The following ZNF236 variants were observed in gnomAD, a reference collection of about 807,000 sequenced individuals.
The protein encoded by ZNF236 is zinc finger protein 236.
In ZNF236, 50 loss-of-function variants were observed where a neutral mutation model predicts 191.2. The observed-to-expected ratio is 0.26, with a 90% CI of 0.21 to 0.33. The LOEUF is 0.33. ZNF236 is among the 10% of genes least tolerant of loss of function. The pLI is 1.00. For missense variants in ZNF236, 1,754 were observed against 2,374.5 expected (o/e 0.74, Z 5.43); for synonymous variants, 907 against 928.8 (o/e 0.98, Z 0.43).
chr18:76,954,809 ACACCAGTCCCTG>A (rs1378979500), intron 27 of ZNF236, among the ~76,000 whole-genome samples: 2 of 152,198 alleles, frequency 1.3e-5, no homozygotes, highest in Non-Finnish European at 2.9e-5. Flanking sequence ...TTCTAGAATG[ACACCAGTCCCTG>A]CACATCTCAC....
In ZNF236 at chr18:76,905,971, C is replaced by T. The variant is rs556378732; in HGVS notation, c.2297+556C>T. On this transcript the variant is annotated intron_variant, in intron 13 of 30. Coordinates refer to ENST00000320610, the MANE Select transcript of ZNF236 (RefSeq NM_001306089.2). Reference sequence around the variant, plus strand: ...TTTCTGACTAGTGCTGGGGCCTATTCGATGAGTATTTCTGTGAAGCCACAG... The same window carrying T: ...TTTCTGACTAGTGCTGGGGCCTATTTGATGAGTATTTCTGTGAAGCCACAG... Among the ~76,000 whole-genome samples, 96 of 152,278 alleles carry T rather than the reference C, an allele frequency of 6.3e-4. 1 individual carries two copies. In the South Asian group the frequency reaches 0.018, roughly 28 times the overall value.
chr18:76,917,417 C>T (rs963294138), intron 19 of ZNF236, among the ~76,000 whole-genome samples: 10 of 152,122 alleles, frequency 6.6e-5, no homozygotes, highest in Non-Finnish European at 1.2e-4. Context: ...ATTCTAGCAT[C>T]GATTTGGGAG....
At chr18:76,849,947 A>G (rs1975809945) in intron 2 of ZNF236, among the ~76,000 whole-genome samples, 1 of 152,230 alleles carries the variant, frequency 6.6e-6, no homozygotes, top group Non-Finnish European at 1.5e-5. Flanking sequence ...TTTTAAAAGT[A>G]GTTTCAATTT....
At chr18:76,882,315 T>C (rs1032058854) in intron 9 of ZNF236, among the ~76,000 whole-genome samples, 4 of 152,192 alleles carry the variant, frequency 2.6e-5, no homozygotes, top group African/African-American at 9.6e-5. Flanking sequence ...TGCTTTTCCT[T>C]GTCCTACCTC....
chr18:76,823,548 T>C (rs1974928131), intron 1 of ZNF236, among the ~76,000 whole-genome samples: 1 of 152,224 alleles, frequency 6.6e-6, no homozygotes, highest in African/African-American at 2.4e-5. Context: ...GTGCACACAG[T>C]AGGCGTCAGG....
intron 25 of ZNF236, 143 bp downstream of exon 25, chr18:76,928,249 T>C (rs1277946348): frequency 3.2e-6 from 2 of 623,858 alleles, no homozygotes; most frequent in South Asian, 5.7e-5. Flanking sequence ...AATTGAAGTT[T>C]AGTGAAAATA....
At chr18:76,946,532 G>T (rs75511663) in intron 26 of ZNF236, among the ~76,000 whole-genome samples, 2 of 152,202 alleles carry the variant, frequency 1.3e-5, no homozygotes, top group East Asian at 3.8e-4. Flanking sequence ...CAGGAGCCAA[G>T]AACATCAGCC....
At chr18:76,961,512 C>G (rs1336055043) in intron 30 of ZNF236, among the ~76,000 whole-genome samples, 2 of 152,050 alleles carry the variant, frequency 1.3e-5, no homozygotes. Context: ...CATAAACATG[C>G]GTGTGCAAGT....
chr18:76,908,998 T>G, intron 14 of ZNF236, among the ~76,000 whole-genome samples: 1 of 85,874 alleles, frequency 1.2e-5, no homozygotes, highest in African/African-American at 3.4e-5. Flanking sequence ...TGTGTGTGTG[T>G]GTGTGTGTTT....
intron 27 of ZNF236, 38 bp from the exon 28 acceptor site, chr18:76,955,947 C>A: frequency 1.3e-6 from 2 of 1,584,282 alleles, no homozygotes; most frequent in Non-Finnish European, 8.6e-7. Context: ...CAAATCAAGC[C>A]AAGTGAGTGG....
rs373213413 is a variant in ZNF236, at chr18:76,849,686, T to C, written c.198+18T>C. 5.3e-5 allele frequency: 81 copies of C among 1,525,942 alleles called. No individual in the cohort carries two copies. In the African/African-American group the frequency reaches 1.0e-3, roughly 19 times the overall value. 94.5% of individuals were successfully genotyped at this position (1,525,942 alleles called of 1,614,324 possible). A position where few individuals can be genotyped will look rare whatever the true frequency, so the allele number is the denominator to read the frequency against. ...ATGACAAGGTATGTATTTTCAAAGG[T>C]GATGTCAGGAATGTGAGCGTTGAAA... On this transcript the variant is annotated intron_variant, in intron 2 of 30. Transcript: ENST00000320610.
rs34039568 is a variant in ZNF236, at chr18:76,938,390, C to CA, written c.4782+1055dup. ...GAACGACAGAGTGAGACCTCTCTCT[C>CA]AAAAAAAAGCTGAGGTTGTTTTCAC... On this transcript the variant is annotated intron_variant, in intron 26 of 30. Coordinates refer to ENST00000320610, the MANE Select transcript of ZNF236 (RefSeq NM_001306089.2). Among the ~76,000 whole-genome samples, 7 of 151,702 alleles carry CA rather than the reference C, an allele frequency of 4.6e-5. 1 individual carries two copies. Among genetic ancestry groups the CA allele is most frequent in the African/African-American group, 1.5e-4 (6 of 41,374 alleles).
At chr18:76,878,788 A>G (rs1976787882) in intron 7 of ZNF236, among the ~76,000 whole-genome samples, 1 of 152,268 alleles carries the variant, frequency 6.6e-6, no homozygotes, top group African/African-American at 2.4e-5. Context: ...GACATTAAAT[A>G]CGAAAGTGTC....
At chr18:76,894,983 C>G (rs778557342) in intron 9 of ZNF236, 30 bp from the exon 10 acceptor site, 1 of 1,601,810 alleles carries the variant, frequency 6.2e-7, no homozygotes, top group Non-Finnish European at 8.5e-7. Context: ...GGTGTCCAGG[C>G]CAAGCGGGAC....
rs556949729 is a variant in ZNF236 at position 76,902,111 on chromosome 18, G to A, written c.1895-2269G>A. ...GATACTTGTATCTTAGACCAGATAG[G>A]GGAACCTGAATTCTTTGGTTTAGGC... On this transcript the variant is annotated intron_variant, in intron 11 of 30. Coordinates refer to ENST00000320610, the MANE Select transcript of ZNF236 (RefSeq NM_001306089.2). 5.9e-5 allele frequency among the ~76,000 whole-genome samples: 9 copies of A among 152,314 alleles called. No individual in the cohort carries two copies. The South Asian group carries it at 1.9e-3, about 32-fold the overall frequency.
intron 6 of ZNF236, 25 bp from the exon 7 acceptor site, chr18:76,877,984 A>C (rs767195392): frequency 6.6e-7 from 1 of 1,519,070 alleles, no homozygotes; most frequent in Admixed American, 2.0e-5. Context: ...GTAAAACATC[A>C]TTTTTTTCCT....
intron 30 of ZNF236, among the ~76,000 whole-genome samples, chr18:76,967,427 G>C (rs796340124): frequency 9.1e-3 from 24 of 2,638 alleles, no homozygotes; most frequent in South Asian, 0.039. Flanking sequence ...TGTGAGGTTT[G>C]TGATTTGTTG....
chr18:76,946,868 ACT>A (rs1381630427), intron 26 of ZNF236, among the ~76,000 whole-genome samples: 3 of 152,150 alleles, frequency 2.0e-5, no homozygotes, highest in African/African-American at 7.2e-5. Flanking sequence ...ACATGTAGAG[ACT>A]CTGAGATGTA....
chr18:76,889,495 T>C (rs1242138338), intron 9 of ZNF236, among the ~76,000 whole-genome samples: 1 of 152,168 alleles, frequency 6.6e-6, no homozygotes, highest in Non-Finnish European at 1.5e-5. Flanking sequence ...ACAGACCTCC[T>C]TGAGAAAACT....
Sources: gnomAD v4.1 joint callset for allele counts (sites outside exome capture counted in the v4.1 genomes callset) on GRCh38, gnomAD v4.1.1 for gene constraint, MANE v1.5 for transcripts, NCBI Gene and HGNC (gene_info 2026-07-23, HGNC 2026-07-21) for gene names.